TENM3: variants seen among roughly 807,000 people sequenced by gnomAD.
TENM3 encodes the protein teneurin transmembrane protein 3.
A neutral mutation model predicts 255.1 loss-of-function variants in TENM3; 63 were observed. That is an observed-to-expected ratio of 0.25 (90% confidence interval 0.20 to 0.30). The LOEUF (loss-of-function observed/expected upper bound fraction) is 0.30, where lower values mean the gene tolerates loss of function less well. Among genes scored for constraint, TENM3 ranks in the 10% least tolerant of loss-of-function variants. The pLI, the probability that TENM3 is intolerant of heterozygous loss-of-function variation, is 1.00. For missense variants in TENM3, 2,929 were observed against 3,461.1 expected, an observed-to-expected ratio of 0.85 and a Z score of 3.86; for synonymous variants, 1,306 against 1,322.3, an observed-to-expected ratio of 0.99 and a Z score of 0.27.
chr4:182,206,642 G>C (rs931461900), intron 1 of TENM3, among the ~76,000 whole-genome samples: 1 of 152,166 alleles, frequency 6.6e-6, no homozygotes, highest in African/African-American at 2.4e-5. Flanking sequence ...CGTGTTTTGT[G>C]CTTGCTTCAT....
At chr4:181,481,953 C>A in the TENM3 span, among the ~76,000 whole-genome samples, 1 of 152,074 alleles carries the variant, frequency 6.6e-6, no homozygotes, top group African/African-American at 2.4e-5. Context: ...AGATTTTGTT[C>A]TTTGTTAGTT....
the TENM3 span, among the ~76,000 whole-genome samples, chr4:181,915,277 G>A: frequency 2.0e-5 from 3 of 152,146 alleles, no homozygotes; most frequent in Non-Finnish European, 4.4e-5. Context: ...TTATGTTTTA[G>A]AGTTTGCAAT....
the TENM3 span, among the ~76,000 whole-genome samples, chr4:181,496,095 A>G: frequency 6.6e-6 from 1 of 152,068 alleles, no homozygotes; most frequent in Admixed American, 6.6e-5. Context: ...ATTAACGAGT[A>G]GGTATTGAAT....
the TENM3 span, among the ~76,000 whole-genome samples, chr4:181,765,753 C>T: frequency 4.6e-5 from 7 of 152,206 alleles, no homozygotes; most frequent in Non-Finnish European, 7.3e-5. Context: ...AAACCCCCAT[C>T]ATCACCACCA....
chr4:181,526,727 G>T, the TENM3 span, among the ~76,000 whole-genome samples: 1 of 152,200 alleles, frequency 6.6e-6, no homozygotes, highest in South Asian at 2.1e-4. Context: ...TATAGGATTG[G>T]TTAAGAGGAA....
At chr4:181,591,634 C>G in the TENM3 span, among the ~76,000 whole-genome samples, 1 of 152,232 alleles carries the variant, frequency 6.6e-6, no homozygotes, top group African/African-American at 2.4e-5. Context: ...GCGCACATCA[C>G]TGCCTGAGCT....
the TENM3 span, among the ~76,000 whole-genome samples, chr4:181,894,748 G>A: frequency 4.6e-5 from 7 of 151,176 alleles, no homozygotes; most frequent in East Asian, 9.8e-4. Context: ...AAAAAAAAAC[G>A]GGGAAATTAG....
chr4:182,624,443 A>G (rs545438533), intron 4 of TENM3, among the ~76,000 whole-genome samples: 1 of 152,280 alleles, frequency 6.6e-6, no homozygotes, highest in South Asian at 2.1e-4. Flanking sequence ...CCCTTCGAGC[A>G]TGGCATGGAA....
intron 3 of TENM3, among the ~76,000 whole-genome samples, chr4:182,388,774 G>T (rs1768192890): frequency 6.6e-6 from 1 of 152,070 alleles, no homozygotes; most frequent in Admixed American, 6.6e-5. Flanking sequence ...AAACTCTCTG[G>T]CCACCCCAAT....
At chr4:182,037,171 G>A in the TENM3 span, among the ~76,000 whole-genome samples, 30 of 141,366 alleles carry the variant, frequency 2.1e-4, no homozygotes, top group East Asian at 3.9e-3. Flanking sequence ...TTTGTGACAC[G>A]GAGTCTCACT....
At chr4:181,745,526 T>C in the TENM3 span, among the ~76,000 whole-genome samples, 24 of 152,160 alleles carry the variant, frequency 1.6e-4, no homozygotes, top group Admixed American at 1.4e-3. Context: ...GGAAGAACTG[T>C]TGAGGTTCCC....
chr4:181,853,301 A>G, the TENM3 span, among the ~76,000 whole-genome samples: 3 of 152,218 alleles, frequency 2.0e-5, no homozygotes, highest in Non-Finnish European at 4.4e-5. Flanking sequence ...CTATTTTCTG[A>G]TTCAAACCAA....
chr4:182,435,424 C>T (rs889746791), intron 3 of TENM3, among the ~76,000 whole-genome samples: 7 of 152,172 alleles, frequency 4.6e-5, no homozygotes, highest in Non-Finnish European at 1.0e-4. Flanking sequence ...CAGGAAAAAG[C>T]GTTTTGATTC....
At chr4:182,024,978 G>C in the TENM3 span, among the ~76,000 whole-genome samples, 1 of 149,664 alleles carries the variant, frequency 6.7e-6, no homozygotes, top group South Asian at 2.1e-4. Flanking sequence ...TTAACATAAT[G>C]ACCTCCAGTT....
At chr4:182,448,874 C>A in intron 3 of TENM3, 1 of 209,006 alleles carries the variant, frequency 4.8e-6, no homozygotes, top group South Asian at 5.7e-5. Context: ...CGGGAGGCGG[C>A]GGTGGCGGCC....
intron 22 of TENM3, among the ~76,000 whole-genome samples, chr4:182,765,388 T>A (rs1040840934): frequency 6.6e-6 from 1 of 152,178 alleles, no homozygotes; most frequent in African/African-American, 2.4e-5. Context: ...ACTCTATCCC[T>A]AATTTTTTGA....
the TENM3 span, among the ~76,000 whole-genome samples, chr4:181,978,909 TG>T: frequency 6.7e-6 from 1 of 149,030 alleles, no homozygotes; most frequent in Admixed American, 6.7e-5. Flanking sequence ...AGAGCCACAA[TG>T]GGTAATGGGT....
the TENM3 span, among the ~76,000 whole-genome samples, chr4:181,887,049 T>C: frequency 1.3e-5 from 2 of 152,184 alleles, no homozygotes; most frequent in Non-Finnish European, 2.9e-5. Context: ...CCTGTTTTAT[T>C]TCATGAGTTC....
the TENM3 span, among the ~76,000 whole-genome samples, chr4:181,599,284 C>T: frequency 9.9e-3 from 1,505 of 152,186 alleles, 21 homozygotes; most frequent in African/African-American, 0.034. Flanking sequence ...AAACAGCAGA[C>T]GTAGAGCACA....
Sources: gnomAD v4.1 joint callset for allele counts (sites outside exome capture counted in the v4.1 genomes callset) on GRCh38, gnomAD v4.1.1 for gene constraint, MANE v1.5 for transcripts, NCBI Gene and HGNC (gene_info 2026-07-23, HGNC 2026-07-21) for gene names.